The following GLIS1 variants were observed in gnomAD, a reference collection of about 807,000 sequenced individuals.
The protein encoded by GLIS1 is zinc finger protein GLIS1.
A neutral mutation model predicts 63.8 loss-of-function variants in GLIS1; 24 were observed. That is an observed-to-expected ratio of 0.38 (90% confidence interval 0.27 to 0.53). GLIS1 has a LOEUF of 0.53. GLIS1 is among the 20% of genes least tolerant of loss of function. GLIS1 has a pLI of 0.85. For missense variants in GLIS1, 1,036 were observed against 1,074.1 expected (o/e 0.96, Z 0.50); for synonymous variants, 450 against 482.5 (o/e 0.93, Z 0.88).
At chr1:53,538,056 C>T (rs1302082990) in intron 4 of GLIS1, among the ~76,000 whole-genome samples, 1 of 152,264 alleles carries the variant, frequency 6.6e-6, no homozygotes, top group African/African-American at 2.4e-5. Flanking sequence ...CTCCTCGCTC[C>T]TGCACTCTGG....
chr1:53,718,428 G>T (rs1646721506), intron 2 of GLIS1, among the ~76,000 whole-genome samples: 2 of 152,174 alleles, frequency 1.3e-5, no homozygotes. Context: ...GCAAGCGGGG[G>T]AATGGTAACA....
intron 4 of GLIS1, among the ~76,000 whole-genome samples, chr1:53,545,006 GCT>G (rs1644683614): frequency 1.3e-5 from 2 of 152,206 alleles, no homozygotes; most frequent in Admixed American, 1.3e-4. Context: ...CCTGCCACCA[GCT>G]TTTTGCAGGC....
intron 2 of GLIS1, among the ~76,000 whole-genome samples, chr1:53,694,051 G>A (rs1646438021): frequency 6.6e-6 from 1 of 152,232 alleles, no homozygotes; most frequent in Admixed American, 6.5e-5. Flanking sequence ...CTGCCTGGTA[G>A]GGGAGACAGG....
chr1:53,693,824 G>A lies in GLIS1; in HGVS notation c.259+43982C>T, dbSNP rs116652617. Among the ~76,000 whole-genome samples, 331 of 152,292 alleles carry A rather than the reference G, an allele frequency of 2.2e-3. 2 individuals carry two copies. Among genetic ancestry groups the A allele is most frequent in the African/African-American group, 7.6e-3 (315 of 41,552 alleles). On this transcript the variant is annotated intron_variant, in intron 2 of 10. Transcript: ENST00000628545. ...CACCTGGAAAGCGTGCCTTTTCATC[G>A]ATCGCTGCCTTACCTAACCCTCCAG... is the stretch of plus-strand genomic sequence containing the variant.
chr1:53,575,771 C>T (rs1209644669), intron 4 of GLIS1, among the ~76,000 whole-genome samples: 1 of 152,166 alleles, frequency 6.6e-6, no homozygotes, highest in Non-Finnish European at 1.5e-5. Context: ...GCAGGAGCAG[C>T]ACTGGGCTGG....
rs1046107434 is a variant in GLIS1, at chr1:53,539,975, G to C, written c.1321-10023C>G. 6.6e-6 allele frequency among the ~76,000 whole-genome samples: 1 copy of C among 152,192 alleles called. No individual in the cohort carries two copies. Among genetic ancestry groups the C allele is most frequent in the African/African-American group, 2.4e-5 (1 of 41,434 alleles). ...GCCTCCACGCCTTTGCCCATGCGGTGTCCTCTGCTCAAGGTGCCCCTGTTC... is the reference window on the plus strand; with the variant it reads ...GCCTCCACGCCTTTGCCCATGCGGTCTCCTCTGCTCAAGGTGCCCCTGTTC... On this transcript the variant is annotated intron_variant, in intron 4 of 10. Coordinates refer to ENST00000628545, the MANE Select transcript of GLIS1 (RefSeq NM_001367484.1). This position sits in a 1 kb window ranked among gnomAD's most constrained non-coding sequence, Gnocchi z 5.0.
intron 2 of GLIS1, among the ~76,000 whole-genome samples, chr1:53,651,873 CAAAAAA>C: frequency 1.1e-5 from 1 of 91,432 alleles, no homozygotes; most frequent in South Asian, 3.4e-4. Flanking sequence ...GATCTTGTCT[CAAAAAA>C]AAAAAAAAAA....
At chr1:53,596,012 G>T (rs986896090) in intron 3 of GLIS1, among the ~76,000 whole-genome samples, 1 of 152,350 alleles carries the variant, frequency 6.6e-6, no homozygotes, top group East Asian at 1.9e-4. Flanking sequence ...ACATCCAGCC[G>T]TGCAAACGTG....
At chr1:53,601,467 G>A (rs143749469) in intron 2 of GLIS1, among the ~76,000 whole-genome samples, 1 of 152,232 alleles carries the variant, frequency 6.6e-6, no homozygotes, top group African/African-American at 2.4e-5. Flanking sequence ...AAAAAACCTG[G>A]TCCTGGAACA....
chr1:53,655,639 A>T (rs922314641), intron 2 of GLIS1, among the ~76,000 whole-genome samples: 1 of 152,154 alleles, frequency 6.6e-6, no homozygotes. Flanking sequence ...CACCCCACAG[A>T]CGTTCTGGGC....
At chr1:53,579,778 G>C (rs1198569542) in intron 4 of GLIS1, among the ~76,000 whole-genome samples, 1 of 152,218 alleles carries the variant, frequency 6.6e-6, no homozygotes, top group Non-Finnish European at 1.5e-5. Context: ...AACGGGCTCA[G>C]AGGGAGAGGT....
chr1:53,722,686 T>G (rs192989207), intron 2 of GLIS1, among the ~76,000 whole-genome samples: 1 of 148,370 alleles, frequency 6.7e-6, no homozygotes, highest in Admixed American at 6.7e-5. Flanking sequence ...ACAAAAAAAT[T>G]AGCCAGGCGT....
intron 4 of GLIS1, among the ~76,000 whole-genome samples, chr1:53,565,395 T>A (rs1644928535): frequency 6.6e-6 from 1 of 151,724 alleles, no homozygotes; most frequent in African/African-American, 2.4e-5. Flanking sequence ...AAAGCAGAAA[T>A]TAATGTCATA....
intron 6 of GLIS1, among the ~76,000 whole-genome samples, chr1:53,524,144 C>T (rs1453301442): frequency 2.0e-5 from 3 of 152,226 alleles, no homozygotes; most frequent in Non-Finnish European, 2.9e-5. Flanking sequence ...CCTTTTTTGT[C>T]CCCTCTGATG....
chr1:53,577,284 C>A (rs1025362810), intron 4 of GLIS1, among the ~76,000 whole-genome samples: 1 of 152,094 alleles, frequency 6.6e-6, no homozygotes, highest in African/African-American at 2.4e-5. Context: ...AGCTTCCTCC[C>A]CAAGCTGCCA....
At chr1:53,594,024 C>G in intron 4 of GLIS1, 84 bp downstream of exon 4, 1 of 1,451,384 alleles carries the variant, frequency 6.9e-7, no homozygotes, top group Non-Finnish European at 9.2e-7. Flanking sequence ...GACGGAGTCC[C>G]AGGCGGCCTC....
chr1:53,672,331 T>C (rs912463447), intron 2 of GLIS1, among the ~76,000 whole-genome samples: 1 of 152,206 alleles, frequency 6.6e-6, no homozygotes, highest in Non-Finnish European at 1.5e-5. Context: ...CCCGCCTTCC[T>C]TTGTACGAAA....
chr1:53,700,683 C>T (rs935865598), intron 2 of GLIS1, among the ~76,000 whole-genome samples: 3 of 152,250 alleles, frequency 2.0e-5, no homozygotes, highest in East Asian at 1.9e-4. Context: ...TGGTTCTTAC[C>T]GTATTCAGAG....
chr1:53,542,413 G>A (rs1028344267), intron 4 of GLIS1, among the ~76,000 whole-genome samples: 10 of 152,214 alleles, frequency 6.6e-5, no homozygotes, highest in African/African-American at 1.9e-4. Context: ...TAAACCCATC[G>A]GAGAGTGCCC....
Sources: allele counts gnomAD v4.1 joint callset (sites outside exome capture counted in the v4.1 genomes callset), GRCh38; gene constraint gnomAD v4.1.1; non-coding constraint Gnocchi (gnomAD v3.1); transcripts MANE v1.5; gene names NCBI Gene and HGNC (gene_info 2026-07-23, HGNC 2026-07-21).